RIN2: variants seen among roughly 807,000 people sequenced by gnomAD.
RIN2 encodes the protein Ras and Rab interactor 2.
A neutral mutation model predicts 78.0 loss-of-function variants in RIN2; 36 were observed. The ratio of observed to expected loss-of-function variants is 0.46; its 90% CI spans 0.35 to 0.61. RIN2 has a LOEUF of 0.61. Ranked by LOEUF, RIN2 falls within the 20% of genes least tolerant of loss-of-function variation. The probability of loss-of-function intolerance (pLI) is 0.00; values close to 1 mark genes in which losing one functional copy is unlikely to be tolerated. For synonymous variants in RIN2, 466 were observed against 466.8 expected, an observed-to-expected ratio of 1.00 and a Z score of 0.02; for missense variants, 1,087 against 1,159.7, an observed-to-expected ratio of 0.94 and a Z score of 0.91.
chr20:19,984,270 G>A (rs764086478), intron 9 of RIN2, among the ~76,000 whole-genome samples: 29 of 152,036 alleles, frequency 1.9e-4, no homozygotes, highest in Non-Finnish European at 2.8e-4. Context: ...GTTGTTGTGG[G>A]AGCATCATAG....
At position 19,768,973 on chromosome 20, in the gene RIN2, G is replaced by A. The variant is rs1202634667; in HGVS notation, c.-163+10646G>A. On this transcript the variant is annotated intron_variant, in intron 1 of 12. Coordinates refer to ENST00000255006, the MANE Select transcript of RIN2 (RefSeq NM_018993.4). Reference sequence around the variant, plus strand: ...GTCTCGCTCTGTCACCCAGGCTGGAGTACAAAGTCGCACTCTCGGCTCACT... The same window carrying A: ...GTCTCGCTCTGTCACCCAGGCTGGAATACAAAGTCGCACTCTCGGCTCACT... 4.1e-5 allele frequency among the ~76,000 whole-genome samples: 6 copies of A among 147,852 alleles called. No individual in the cohort carries two copies. In the East Asian group the frequency reaches 1.2e-3, roughly 30 times the overall value.
chr20:19,987,810 T>C lies in RIN2; in HGVS notation c.1763-2196T>C, dbSNP rs956726647. Reference sequence around the variant, plus strand: ...AGTTGTTCTGCTTTTTTTCCTACTTTATAACCTCCTTCGCATCAACCTTGA... The same window carrying C: ...AGTTGTTCTGCTTTTTTTCCTACTTCATAACCTCCTTCGCATCAACCTTGA... On this transcript the variant is annotated intron_variant, in intron 9 of 12. Coordinates refer to ENST00000255006, the MANE Select transcript of RIN2 (RefSeq NM_018993.4). Among the ~76,000 whole-genome samples, 5 of 152,238 alleles carry C rather than the reference T, an allele frequency of 3.3e-5. No homozygotes were observed. The South Asian group carries it at 6.2e-4, about 19-fold the overall frequency.
At chr20:19,822,304 G>A (rs1442557789) in intron 2 of RIN2, among the ~76,000 whole-genome samples, 1 of 151,994 alleles carries the variant, frequency 6.6e-6, no homozygotes, top group Non-Finnish European at 1.5e-5. Flanking sequence ...CTTTTGATTG[G>A]GCTTCCTTCC....
At chr20:19,913,845 G>A (rs1393610719) in intron 3 of RIN2, among the ~76,000 whole-genome samples, 1 of 152,096 alleles carries the variant, frequency 6.6e-6, no homozygotes, top group African/African-American at 2.4e-5. Context: ...GCGGACACTG[G>A]GTGCTTCTAC....
intron 2 of RIN2, among the ~76,000 whole-genome samples, chr20:19,834,324 G>A (rs2036339174): frequency 6.6e-6 from 1 of 152,190 alleles, no homozygotes. Context: ...TTTTGCCAAA[G>A]TGGAAGCTGC....
At chr20:19,933,022 A>G (rs1458049256) in intron 3 of RIN2, among the ~76,000 whole-genome samples, 3 of 151,960 alleles carry the variant, frequency 2.0e-5, no homozygotes, top group Non-Finnish European at 4.4e-5. Flanking sequence ...TCTATGTCAA[A>G]TTGTTCCTAA....
chr20:19,923,482 ATAAAATAAAT>A (rs1568613990), intron 3 of RIN2, among the ~76,000 whole-genome samples: 28 of 142,178 alleles, frequency 2.0e-4, no homozygotes, highest in African/African-American at 7.3e-4. Context: ...ATAAAATAAA[ATAAAATAAAT>A]ATTGGCTGAG....
chr20:19,969,344 C>T lies in RIN2; in HGVS notation c.537-1494C>T, dbSNP rs2042034624. On this transcript the variant is annotated intron_variant, in intron 7 of 12. Transcript: ENST00000255006. The stretch of plus-strand genomic sequence containing the variant: ...AGCACCTTCCAGCCGCAGTGGTCTC[C>T]TTGCTGTTCTTCATCCATGCCAGAC... 2.0e-5 allele frequency among the ~76,000 whole-genome samples: 3 copies of T among 152,162 alleles called. No individual in the cohort carries two copies. The South Asian group carries it at 6.2e-4, about 32-fold the overall frequency.
chr20:19,901,112 G>A (rs186506297), intron 3 of RIN2, among the ~76,000 whole-genome samples: 4 of 152,182 alleles, frequency 2.6e-5, no homozygotes, highest in East Asian at 3.9e-4. Context: ...ATGAGTGAAC[G>A]GCACTATACA....
chr20:19,801,668 G>A (rs892351459), intron 2 of RIN2, among the ~76,000 whole-genome samples: 4 of 152,122 alleles, frequency 2.6e-5, no homozygotes, highest in Non-Finnish European at 5.9e-5. Flanking sequence ...GTTTTATTTC[G>A]GGAAGGCCCG....
chr20:19,766,028 G>A (rs2033870354), intron 1 of RIN2, among the ~76,000 whole-genome samples: 1 of 152,140 alleles, frequency 6.6e-6, no homozygotes, highest in Non-Finnish European at 1.5e-5. Context: ...CTTCTTCAAA[G>A]CTTCTTATCC....
chr20:19,851,339 A>C (rs541244626), intron 2 of RIN2, among the ~76,000 whole-genome samples: 51 of 152,288 alleles, frequency 3.3e-4, no homozygotes, highest in African/African-American at 1.2e-3. Flanking sequence ...TTCCAGACAC[A>C]GGTGAATCTT....
In RIN2 at chr20:19,960,894, A is replaced by T. The variant is rs199562; in HGVS notation, c.463+83A>T. The T allele has an allele frequency of 0.27, 222,399 of 817,846 alleles. 33,948 individuals carry two copies. Among genetic ancestry groups the T allele is most frequent in the East Asian group, 0.57 (21,245 of 37,410 alleles). 50.7% of individuals were successfully genotyped at this position (817,846 alleles called of 1,614,324 possible). On this transcript the variant is annotated intron_variant, in intron 6 of 12. Transcript: ENST00000255006. ...AGTGGAAATGGAAGGAGCTCTGGTTATGAGATGGGCAGATATGGGCCTGAG... is the reference window on the plus strand; with the variant it reads ...AGTGGAAATGGAAGGAGCTCTGGTTTTGAGATGGGCAGATATGGGCCTGAG...
chr20:19,862,939 C>T (rs1359685921), intron 2 of RIN2, among the ~76,000 whole-genome samples: 1 of 152,198 alleles, frequency 6.6e-6, no homozygotes. Context: ...TGCCCTCCAG[C>T]GTGGAGCCAG....
chr20:19,889,349 G>C (rs41279002), intron 2 of RIN2: 17 of 1,247,722 alleles, frequency 1.4e-5, no homozygotes, highest in Non-Finnish European at 1.5e-5. Context: ...AGTGGCAGAG[G>C]TGGGAGGTGG....
intron 3 of RIN2, among the ~76,000 whole-genome samples, chr20:19,892,578 CCTCT>C (rs1376249634): frequency 1.1e-5 from 1 of 93,874 alleles, no homozygotes; most frequent in Admixed American, 1.2e-4. Flanking sequence ...TTCTTTCTTT[CCTCT>C]TTCTTTCTTT....
chr20:20,002,366 C>G lies in RIN2; in HGVS notation c.*1430C>G, dbSNP rs1273601534. ...AACCCTCAGCACATACTGTGTTGTA[C>G]TTTTGTAAATGATTTTTTAAATGGA... On this transcript the variant is annotated 3_prime_UTR_variant, in exon 13 of 13. Coordinates refer to ENST00000255006, the MANE Select transcript of RIN2 (RefSeq NM_018993.4). 1 of 144,346 alleles carries G rather than the reference C, an allele frequency of 6.9e-6. No homozygotes were observed. The highest frequency in any genetic ancestry group is 2.2e-4 in the South Asian group (1 of 4,550). The allele number at this position is 144,346 out of a possible 1,614,324, so 8.9% of individuals were successfully genotyped here.
chr20:19,825,391 C>G (rs192039326), intron 2 of RIN2, among the ~76,000 whole-genome samples: 1 of 152,312 alleles, frequency 6.6e-6, no homozygotes, highest in Admixed American at 6.5e-5. Flanking sequence ...TTAGATAGGT[C>G]TTTCTTAGCT....
chr20:19,921,893 T>G (rs1420594558), intron 3 of RIN2, among the ~76,000 whole-genome samples: 2 of 151,988 alleles, frequency 1.3e-5, no homozygotes, highest in Non-Finnish European at 2.9e-5. Context: ...TGTGACAGGG[T>G]CTCTCTCTGT....
Sources: allele counts gnomAD v4.1 joint callset (sites outside exome capture counted in the v4.1 genomes callset), GRCh38; gene constraint gnomAD v4.1.1; transcripts MANE v1.5; gene names NCBI Gene and HGNC (gene_info 2026-07-23, HGNC 2026-07-21).